Variants in GREB1 observed in about 807,000 individuals in gnomAD.
The protein encoded by GREB1 is protein GREB1.
Under a neutral mutation model 200.7 loss-of-function variants are expected in GREB1, and 106 were observed. The ratio of observed to expected loss-of-function variants is 0.53; its 90% confidence interval spans 0.45 to 0.62. GREB1 has a LOEUF of 0.62. Among genes scored for constraint, GREB1 ranks in the 20% least tolerant of loss-of-function variants. The pLI, the probability that GREB1 is intolerant of heterozygous loss-of-function variation, is 0.00. For missense variants in GREB1, 2,243 were observed against 2,556.8 expected, an observed-to-expected ratio of 0.88 and a Z score of 2.65; for synonymous variants, 1,132 against 1,092.4, an observed-to-expected ratio of 1.04 and a Z score of -0.72.
intron 1 of GREB1, among the ~76,000 whole-genome samples, chr2:11,538,915 TCCCC>T (rs1558512054): frequency 1.6e-4 from 2 of 12,666 alleles, no homozygotes; most frequent in Non-Finnish European, 2.9e-4. Context: ...TCCTTCCCCC[TCCCC>T]TCCCCTCGTG....
chr2:11,574,022 C>T (rs111346047), intron 4 of GREB1, among the ~76,000 whole-genome samples: 281 of 152,320 alleles, frequency 1.8e-3, no homozygotes, highest in African/African-American at 6.1e-3. Flanking sequence ...AAGGTTTCTT[C>T]GGGCCTTGTT....
At chr2:11,596,280 A>G (rs778171354) in intron 13 of GREB1, 41 bp downstream of exon 13, 48 of 1,589,646 alleles carry the variant, frequency 3.0e-5, no homozygotes, top group Non-Finnish European at 4.0e-5. Context: ...GAGAGGGTAC[A>G]AAGTAGTGAT....
rs1683295581 is a variant in GREB1 at position 11,615,126 on chromosome 2, C to T, written c.3158C>T (p.Ser1053Phe). 6.2e-7 allele frequency: 1 copy of T among 1,613,990 alleles called. No individual in the cohort carries two copies. Among genetic ancestry groups the T allele is most frequent in the Admixed American group, 1.7e-5 (1 of 60,006 alleles). ...LRYCDLRLINSSCLVRTALEQ... is the reference protein window; with the variant it reads ...LRYCDLRLINFSCLVRTALEQ... ...TACTGTGACCTGCGATTGATAAACT[C>T]CTCCTGCTTGGTGAGAACAGCCTTG... The change falls in exon 20 of 33, where the codon TCC (serine) becomes TTC (phenylalanine). Residue 1053 changes from serine to phenylalanine, a missense_variant. By Grantham distance (155) the Ser-to-Phe change is radical (BLOSUM62 -2). Around this residue, in one of 3 missense-constraint regions of GREB1, gnomAD observed 1,178 missense variants for 1,387.4 expected, o/e 0.85. Coordinates refer to ENST00000381486, the MANE Select transcript of GREB1 (RefSeq NM_014668.4).
intron 12 of GREB1, 65 bp downstream of exon 12, chr2:11,595,444 G>T: frequency 6.5e-7 from 1 of 1,532,354 alleles, no homozygotes; most frequent in Non-Finnish European, 8.9e-7. Flanking sequence ...TGCCGGGGGA[G>T]GTCATCTCTG....
At chr2:11,526,125 G>A (rs1481814822) in intron 1 of GREB1, among the ~76,000 whole-genome samples, 1 of 152,186 alleles carries the variant, frequency 6.6e-6, no homozygotes, top group Non-Finnish European at 1.5e-5. Flanking sequence ...GTTCACGCAG[G>A]TTAATTATGG....
chr2:11,610,066 G>A (rs1002141119), intron 17 of GREB1, among the ~76,000 whole-genome samples: 1 of 152,182 alleles, frequency 6.6e-6, no homozygotes, highest in African/African-American at 2.4e-5. Flanking sequence ...GGTGGTTGTG[G>A]GAGCAGCCAC....
intron 1 of GREB1, among the ~76,000 whole-genome samples, chr2:11,528,989 G>A (rs1470202554): frequency 1.3e-5 from 2 of 152,118 alleles, no homozygotes; most frequent in Non-Finnish European, 2.9e-5. Flanking sequence ...TTTTCTCCTG[G>A]TTTATATATA....
chr2:11,488,491 A>G (rs1363439882), intron 1 of GREB1, among the ~76,000 whole-genome samples: 5 of 152,168 alleles, frequency 3.3e-5, no homozygotes, highest in Non-Finnish European at 5.9e-5. Flanking sequence ...AAAGTGATTC[A>G]TAAAGATTTG....
At chr2:11,529,675 G>A (rs1346034523), upstream of GREB1, among the ~76,000 whole-genome samples, 1 of 152,186 alleles carries the variant, frequency 6.6e-6, no homozygotes, top group Non-Finnish European at 1.5e-5. Flanking sequence ...ACAAATGCTA[G>A]AAATACCTCA....
intron 1 of GREB1, among the ~76,000 whole-genome samples, chr2:11,504,405 T>G (rs1572559963): frequency 6.6e-6 from 1 of 152,222 alleles, no homozygotes; most frequent in East Asian, 1.9e-4. Flanking sequence ...AATAGAGATA[T>G]AATTCACATA....
chr2:11,596,047 G>T (rs938487350), intron 12 of GREB1, 64 bp from the exon 13 acceptor site: 47 of 1,516,854 alleles, frequency 3.1e-5, no homozygotes, highest in Non-Finnish European at 4.2e-5. Context: ...CACTAACTGC[G>T]CTGTAGATGT....
chr2:11,586,938 C>T (rs1680165536), intron 9 of GREB1, among the ~76,000 whole-genome samples: 1 of 152,088 alleles, frequency 6.6e-6, no homozygotes. Flanking sequence ...CATGGCGTGT[C>T]TGTGGTAGGC....
intron 2 of GREB1, among the ~76,000 whole-genome samples, chr2:11,557,441 T>C (rs1300204721): frequency 6.6e-6 from 1 of 152,246 alleles, no homozygotes. Context: ...CTTCTCTTAG[T>C]TATTGAAGTG....
intron 19 of GREB1, among the ~76,000 whole-genome samples, chr2:11,614,877 TA>T (rs1683271722): frequency 6.6e-6 from 1 of 152,244 alleles, no homozygotes; most frequent in Non-Finnish European, 1.5e-5. Context: ...AGCACAGAGC[TA>T]AATGCATAGT....
At position 11,637,839 on chromosome 2, in the gene GREB1, C is replaced by G; in HGVS notation, c.5470C>G (p.Leu1824Val). Residue 1824 changes from leucine (L) to valine (V), a missense_variant, in exon 31 of 33, where the codon CTC becomes GTC. Coordinates refer to ENST00000381486, the MANE Select transcript of GREB1 (RefSeq NM_014668.4). ...GAAGTTCCTGCAGCACCACAGCCAC[C>G]TCTTCTTCCCGCTGTCCCTGAAGAA... ...LEKFLQHHSH[L>V]FFPLSLKNHD... 6.2e-7 allele frequency: 1 copy of G among 1,614,236 alleles called. No homozygotes were observed. Among genetic ancestry groups the G allele is most frequent in the Non-Finnish European group, 8.5e-7 (1 of 1,180,034 alleles).
At chr2:11,604,427 C>G (rs1440093798) in intron 17 of GREB1, among the ~76,000 whole-genome samples, 1 of 152,192 alleles carries the variant, frequency 6.6e-6, no homozygotes, top group Non-Finnish European at 1.5e-5. Flanking sequence ...GCACACATTA[C>G]ATGCTTCTGT....
In GREB1 at chr2:11,635,332, G is replaced by C; in HGVS notation, c.5273G>C (p.Arg1758Pro). 1 of 1,614,082 alleles carries C rather than the reference G, an allele frequency of 6.2e-7. No homozygotes were observed. Among genetic ancestry groups the C allele is most frequent in the Non-Finnish European group, 8.5e-7 (1 of 1,179,982 alleles). ...RVHSAGLLLCRFNRFSVMKKQ... is the reference protein window; with the variant it reads ...RVHSAGLLLCPFNRFSVMKKQ... ...CACAGCGCCGGCCTCCTGCTCTGCC[G>C]GTTCAACCGCTTCAGCGTGATGAAG... Residue 1758 changes from arginine (R) to proline (P), a missense_variant, in exon 30 of 33, where the codon CGG (arginine) becomes CCG (proline). Physicochemically the swap from Arg to Pro is moderately radical, Grantham distance 103. Coordinates refer to ENST00000381486, the MANE Select transcript of GREB1 (RefSeq NM_014668.4).
In GREB1 at chr2:11,627,816, A is replaced by G. The variant is rs567358931; in HGVS notation, c.4449+712A>G. ...CTATCTAGTGTCCTATTTACTTCAC[A>G]CTAAAATTTCATTGTCCCTGTTTTA... On this transcript the variant is annotated intron_variant, in intron 25 of 32. Coordinates refer to ENST00000381486, the MANE Select transcript of GREB1 (RefSeq NM_014668.4). Among the ~76,000 whole-genome samples, 13 of 152,288 alleles carry G rather than the reference A, an allele frequency of 8.5e-5. No individual in the cohort carries two copies. The East Asian group carries it at 2.5e-3, about 29-fold the overall frequency.
intron 3 of GREB1, 75 bp from the exon 4 acceptor site, chr2:11,566,405 T>C: frequency 6.9e-7 from 1 of 1,443,466 alleles, no homozygotes; most frequent in Non-Finnish European, 9.3e-7. Flanking sequence ...ACCCAGAACG[T>C]TTCCTCCCTT....
Sources: allele counts gnomAD v4.1 joint callset (sites outside exome capture counted in the v4.1 genomes callset), GRCh38; gene constraint gnomAD v4.1.1; regional missense constraint gnomAD v4.1.1; transcripts MANE v1.5; gene names NCBI Gene and HGNC (gene_info 2026-07-23, HGNC 2026-07-21).